The following WDR1 variants were observed in gnomAD, a reference collection of about 807,000 sequenced individuals.
WDR1 encodes WD repeat-containing protein 1.
WDR1 carries 21 observed loss-of-function variants against 71.9 expected under a neutral mutation model. The ratio of observed to expected loss-of-function variants is 0.29; its 90% CI spans 0.21 to 0.42. WDR1 has a LOEUF of 0.42. WDR1 is among the 10% of genes least tolerant of loss of function. WDR1 has a pLI of 1.00. For missense variants in WDR1, 696 were observed against 824.5 expected (o/e 0.84, Z 1.91); for synonymous variants, 424 against 347.4 (o/e 1.22, Z -2.45).
chr4:10,108,543 A>C (rs1215310189), intron 2 of WDR1: 1 of 152,232 alleles, frequency 6.6e-6, no homozygotes, highest in African/African-American at 2.4e-5. Context: ...AGTGAGCGTG[A>C]GCTTCCAGTC....
At chr4:10,108,544 G>A (rs1408682298) in intron 2 of WDR1, 1 of 152,274 alleles carries the variant, frequency 6.6e-6, no homozygotes, top group African/African-American at 2.4e-5. Flanking sequence ...GTGAGCGTGA[G>A]CTTCCAGTCA....
intron 2 of WDR1, among the ~76,000 whole-genome samples, chr4:10,113,507 G>A (rs903440604): frequency 2.0e-5 from 3 of 152,230 alleles, no homozygotes; most frequent in Non-Finnish European, 4.4e-5. Context: ...CGCTGGAGCC[G>A]AGGCCACGGT....
Position 10,077,381 on chromosome 4 carries a change from T to C in WDR1, c.1637A>G (p.His546Arg). The C allele has an allele frequency of 6.2e-7, 1 of 1,613,968 alleles. No individual in the cohort carries two copies. Among genetic ancestry groups the C allele is most frequent in the Non-Finnish European group, 8.5e-7 (1 of 1,179,858 alleles). The change falls in exon 14 of 15, where the codon CAC (histidine) becomes CGC (arginine). Residue 546 changes from histidine to arginine, a missense_variant. Physicochemically the swap from His to Arg is conservative, Grantham distance 29. Transcript: ENST00000499869. ...CATGTCCATGCCACCGGAGGCAAAG[T>C]GTTCATTGTCTGGGGACCAGGCCAG... is the stretch of plus-strand genomic sequence containing the variant. ...VCLAWSPDNE[H>R]FASGGMDMMV... is the part of the protein sequence containing the mutation.
chr4:10,083,556 G>A (rs1023866498), intron 9 of WDR1: 10 of 473,964 alleles, frequency 2.1e-5, no homozygotes, highest in Admixed American at 1.8e-4. Context: ...CTCCCAGCCT[G>A]GGGGGACCTC....
intron 2 of WDR1, among the ~76,000 whole-genome samples, chr4:10,112,392 G>A (rs1223714358): frequency 6.6e-6 from 1 of 152,110 alleles, no homozygotes; most frequent in Non-Finnish European, 1.5e-5. Flanking sequence ...ATGGTTCACT[G>A]GAATCCCCTT....
Position 10,088,149 on chromosome 4 carries a change from G to A in WDR1, c.717+144C>T. 6.4e-6 allele frequency: 6 copies of A among 934,506 alleles called. No homozygotes were observed. In the South Asian group the frequency reaches 8.9e-5, roughly 14 times the overall value. The allele number at this position is 934,506 out of a possible 1,614,324, so 57.9% of individuals were successfully genotyped here. ...CCCATCACCTTATTGCGACCTTAAA[G>A]CTTTTCTGGGCAGATATAAAACCGC... On this transcript the variant is annotated intron_variant, in intron 7 of 14. Coordinates refer to ENST00000499869, the MANE Select transcript of WDR1 (RefSeq NM_017491.5).
chr4:10,106,548 C>T (rs1713028724), intron 2 of WDR1: 1 of 152,262 alleles, frequency 6.6e-6, no homozygotes, highest in African/African-American at 2.4e-5. Context: ...GCCGTGCTGC[C>T]GTAGAAAGGG....
At chr4:10,106,863 A>G (rs1023761541) in intron 2 of WDR1, among the ~76,000 whole-genome samples, 1 of 151,910 alleles carries the variant, frequency 6.6e-6, no homozygotes, top group Non-Finnish European at 1.5e-5. Flanking sequence ...TGCTTACTAC[A>G]CCCAGAAAGA....
chr4:10,116,320 C>G, intron 1 of WDR1, 86 bp from the exon 2 acceptor site: 1 of 1,575,726 alleles, frequency 6.3e-7, no homozygotes, highest in South Asian at 1.1e-5. Context: ...GGACCGGTCT[C>G]GGCCGGTCAC....
intron 8 of WDR1, among the ~76,000 whole-genome samples, chr4:10,086,545 A>G (rs1212530186): frequency 6.6e-6 from 1 of 151,354 alleles, no homozygotes; most frequent in East Asian, 1.9e-4. Context: ...CCCCTCCTAG[A>G]AGCCGTGGTG....
intron 2 of WDR1, among the ~76,000 whole-genome samples, chr4:10,115,060 C>G (rs1392726592): frequency 6.6e-6 from 1 of 152,232 alleles, no homozygotes; most frequent in Non-Finnish European, 1.5e-5. Context: ...CCCAACCTAC[C>G]AAGGGAAATC....
At chr4:10,105,815 C>A in intron 2 of WDR1, among the ~76,000 whole-genome samples, 1 of 152,048 alleles carries the variant, frequency 6.6e-6, no homozygotes. Flanking sequence ...CCAAAAGACA[C>A]AGGAGCAATG....
At chr4:10,085,538 C>A (rs1020872853) in intron 8 of WDR1, among the ~76,000 whole-genome samples, 1 of 152,266 alleles carries the variant, frequency 6.6e-6, no homozygotes, top group Admixed American at 6.5e-5. Flanking sequence ...CAGCCCCCAC[C>A]AGCAGGGCTC....
At chr4:10,115,954 G>C (rs1713692004) in intron 2 of WDR1, 159 bp downstream of exon 2, 1 of 965,760 alleles carries the variant, frequency 1.0e-6, no homozygotes, top group Middle Eastern at 3.4e-4. Context: ...TCTGAGGCCG[G>C]CTTCCGGGGC....
At chr4:10,090,854 C>T (rs1711928755) in intron 5 of WDR1, among the ~76,000 whole-genome samples, 4 of 152,366 alleles carry the variant, frequency 2.6e-5, no homozygotes, top group Admixed American at 2.0e-4. Flanking sequence ...GCAGATTGTC[C>T]TCCCTGCCTC....
intron 2 of WDR1, among the ~76,000 whole-genome samples, chr4:10,111,632 A>G (rs1713370676): frequency 6.6e-6 from 1 of 152,196 alleles, no homozygotes; most frequent in African/African-American, 2.4e-5. Context: ...GGATACACGC[A>G]GGTAGTCAGC....
At chr4:10,086,322 T>A (rs1348635384) in intron 8 of WDR1, among the ~76,000 whole-genome samples, 1 of 152,150 alleles carries the variant, frequency 6.6e-6, no homozygotes, top group Non-Finnish European at 1.5e-5. Flanking sequence ...CCGATTCCCC[T>A]CTATCCTCGA....
intron 9 of WDR1, 24 bp downstream of exon 9, chr4:10,084,419 C>A: frequency 1.2e-6 from 2 of 1,609,400 alleles, no homozygotes; most frequent in Admixed American, 1.7e-5. Flanking sequence ...GGCTCCGGAG[C>A]CAGCTCTTTG....
intron 13 of WDR1, 68 bp downstream of exon 13, chr4:10,077,685 C>A (rs1168557322): frequency 6.7e-7 from 1 of 1,481,952 alleles, no homozygotes; most frequent in Non-Finnish European, 9.0e-7. Flanking sequence ...CACCAAGTCA[C>A]AGATAACCTC....
Sources: allele counts gnomAD v4.1 joint callset (sites outside exome capture counted in the v4.1 genomes callset), GRCh38; gene constraint gnomAD v4.1.1; transcripts MANE v1.5; gene names NCBI Gene and HGNC (gene_info 2026-07-23, HGNC 2026-07-21).